Variants in SLC35D4 observed in about 807,000 individuals in gnomAD.
SLC35D4 encodes solute carrier family 35 member D4.
At chr18:23,373,629 A>C in the SLC35D4 span, 4 of 1,489,090 alleles carry the variant, frequency 2.7e-6, no homozygotes, top group Non-Finnish European at 3.7e-6. Flanking sequence ...TTCTAAAAGG[A>C]AGGACTAGGA....
chr18:23,360,410 A>T, the SLC35D4 span, among the ~76,000 whole-genome samples: 1 of 152,366 alleles, frequency 6.6e-6, no homozygotes, highest in African/African-American at 2.4e-5. Context: ...TGGATAAACA[A>T]ACGTGGTATA....
the SLC35D4 span, among the ~76,000 whole-genome samples, chr18:23,277,095 G>T: frequency 6.6e-6 from 1 of 152,238 alleles, no homozygotes; most frequent in Non-Finnish European, 1.5e-5. Flanking sequence ...AGGCTCACTT[G>T]TGTGTCTGCA....
At chr18:23,313,216 G>A in the SLC35D4 span, among the ~76,000 whole-genome samples, 1 of 148,712 alleles carries the variant, frequency 6.7e-6, no homozygotes, top group Non-Finnish European at 1.5e-5. Context: ...GCTTGGTACT[G>A]GCTTCCTTTT....
chr18:23,354,367 G>T, the SLC35D4 span, among the ~76,000 whole-genome samples: 94 of 85,218 alleles, frequency 1.1e-3, no homozygotes, highest in African/African-American at 4.3e-3. Context: ...AAAAAAAAAA[G>T]AAAATTAGCC....
the SLC35D4 span, among the ~76,000 whole-genome samples, chr18:23,388,680 T>C: frequency 6.6e-6 from 1 of 152,232 alleles, no homozygotes; most frequent in African/African-American, 2.4e-5. Flanking sequence ...CACCCAAATC[T>C]TATGTCGAAT....
chr18:23,406,049 CT>C, the SLC35D4 span, among the ~76,000 whole-genome samples: 3 of 152,180 alleles, frequency 2.0e-5, no homozygotes, highest in East Asian at 5.8e-4. Flanking sequence ...GAAGCTACAA[CT>C]TTAAAATCCT....
At chr18:23,262,116 AT>A in the SLC35D4 span, among the ~76,000 whole-genome samples, 3 of 152,260 alleles carry the variant, frequency 2.0e-5, no homozygotes, top group Non-Finnish European at 4.4e-5. Context: ...AGAGAAAGGT[AT>A]AGAGAAAAAT....
chr18:23,240,114 T>C, the SLC35D4 span, among the ~76,000 whole-genome samples: 2 of 152,016 alleles, frequency 1.3e-5, no homozygotes, highest in African/African-American at 4.8e-5. Context: ...CAAGACCCTG[T>C]CTCAACAAAA....
chr18:23,430,313 A>G, the SLC35D4 span, among the ~76,000 whole-genome samples: 1 of 152,034 alleles, frequency 6.6e-6, no homozygotes, highest in South Asian at 2.1e-4. Context: ...GCCTCCTACA[A>G]TCCTCTTGCC....
the SLC35D4 span, among the ~76,000 whole-genome samples, chr18:23,340,925 G>C: frequency 2.6e-5 from 4 of 152,224 alleles, no homozygotes; most frequent in Non-Finnish European, 4.4e-5. Flanking sequence ...AAGTTAACAA[G>C]AGTAAGACAA....
chr18:23,300,517 C>T, the SLC35D4 span, among the ~76,000 whole-genome samples: 1 of 152,214 alleles, frequency 6.6e-6, no homozygotes, highest in East Asian at 1.9e-4. Flanking sequence ...AATAACCTTG[C>T]ATTATGTCCC....
At chr18:23,355,993 G>A in the SLC35D4 span, among the ~76,000 whole-genome samples, 1 of 152,158 alleles carries the variant, frequency 6.6e-6, no homozygotes, top group Non-Finnish European at 1.5e-5. Context: ...GGCAGGACAT[G>A]GGGAGAGGGT....
the SLC35D4 span, among the ~76,000 whole-genome samples, chr18:23,308,005 G>A: frequency 6.6e-6 from 1 of 152,214 alleles, no homozygotes; most frequent in African/African-American, 2.4e-5. Flanking sequence ...AGGGTCCTGC[G>A]CACTGCTTCT....
chr18:23,253,067 G>T, the SLC35D4 span: 1 of 1,590,000 alleles, frequency 6.3e-7, no homozygotes, highest in Non-Finnish European at 8.6e-7. Flanking sequence ...AAATTAGGAG[G>T]TACGGGAGGC....
At chr18:23,399,489 G>A in the SLC35D4 span, 1 of 1,278,508 alleles carries the variant, frequency 7.8e-7, no homozygotes, top group Non-Finnish European at 1.1e-6. Flanking sequence ...TGCCCTTATT[G>A]AGCTGAGGCA....
chr18:23,325,031 T>C, the SLC35D4 span, among the ~76,000 whole-genome samples: 1 of 152,092 alleles, frequency 6.6e-6, no homozygotes, highest in African/African-American at 2.4e-5. Context: ...TCTGTATGGA[T>C]GCCAAGAGAG....
the SLC35D4 span, among the ~76,000 whole-genome samples, chr18:23,246,881 C>T: frequency 2.6e-5 from 4 of 151,996 alleles, no homozygotes; most frequent in South Asian, 2.1e-4. Flanking sequence ...TTAGTAGAGA[C>T]GGGGTTTTAC....
the SLC35D4 span, among the ~76,000 whole-genome samples, chr18:23,338,658 T>C: frequency 6.6e-6 from 1 of 152,286 alleles, no homozygotes; most frequent in South Asian, 2.1e-4. Flanking sequence ...CATTTTCACA[T>C]ATATTATCTC....
chr18:23,257,701 C>G, the SLC35D4 span: 1 of 230,220 alleles, frequency 4.3e-6, no homozygotes, highest in South Asian at 1.2e-4. Context: ...GGTCCAGGGC[C>G]TTCTCCAGAT....
Sources: gnomAD v4.1 joint callset for allele counts (sites outside exome capture counted in the v4.1 genomes callset) on GRCh38, gnomAD v4.1.1 for gene constraint, MANE v1.5 for transcripts, NCBI Gene and HGNC (gene_info 2026-07-23, HGNC 2026-07-21) for gene names.